KCNH1: variants seen among roughly 807,000 people sequenced by gnomAD.
KCNH1 encodes voltage-gated delayed rectifier potassium channel KCNH1.
A neutral mutation model predicts 69.2 loss-of-function variants in KCNH1; 27 were observed. The observed-to-expected ratio is 0.39, with a 90% CI of 0.29 to 0.54. The LOEUF is 0.54. Ranked by LOEUF, KCNH1 falls within the 20% of genes least tolerant of loss-of-function variation. KCNH1 has a pLI of 0.68. For missense variants in KCNH1, 798 were observed against 1,261.6 expected (o/e 0.63, Z 5.57); for synonymous variants, 456 against 487.7 (o/e 0.93, Z 0.86).
At position 211,065,141 on chromosome 1, in the gene KCNH1, G is replaced by A. The variant is rs376254914; in HGVS notation, c.558+17639C>T. Among the ~76,000 whole-genome samples, 348 of 152,250 alleles carry A rather than the reference G, an allele frequency of 2.3e-3. 1 individual carries two copies. The highest frequency in any genetic ancestry group is 3.4e-3 in the Non-Finnish European group (234 of 68,014). On this transcript the variant is annotated intron_variant, in intron 5 of 10. Coordinates refer to ENST00000271751, the MANE Select transcript of KCNH1 (RefSeq NM_172362.3). Reference sequence around the variant, plus strand: ...CACCAATCTCTCTACAGGGTATATCGTCAAAGGAAATGAAATCAATATGTC... The same window carrying A: ...CACCAATCTCTCTACAGGGTATATCATCAAAGGAAATGAAATCAATATGTC...
At chr1:210,685,720 C>T (rs971833380) in intron 10 of KCNH1, among the ~76,000 whole-genome samples, 9 of 130,192 alleles carry the variant, frequency 6.9e-5, no homozygotes, top group African/African-American at 2.0e-4. Flanking sequence ...TTCACAGCCC[C>T]CAGATGAAGA....
intron 7 of KCNH1, among the ~76,000 whole-genome samples, chr1:210,849,980 C>G (rs1685648556): frequency 6.6e-6 from 1 of 151,402 alleles, no homozygotes. Context: ...CATGTTAAAT[C>G]TACAGAATAA....
intron 10 of KCNH1, among the ~76,000 whole-genome samples, chr1:210,702,651 G>A (rs1238638175): frequency 6.6e-6 from 1 of 152,132 alleles, no homozygotes; most frequent in Non-Finnish European, 1.5e-5. Context: ...TAGAGCTGTG[G>A]AGCTGGAAAT....
intron 6 of KCNH1, among the ~76,000 whole-genome samples, chr1:210,985,028 G>A (rs183237392): frequency 2.6e-5 from 4 of 152,140 alleles, no homozygotes; most frequent in South Asian, 2.1e-4. Context: ...TGTATATGTC[G>A]AGGAATTTAT....
intron 4 of KCNH1, among the ~76,000 whole-genome samples, chr1:211,085,780 C>T (rs1227813361): frequency 2.0e-5 from 3 of 152,122 alleles, no homozygotes; most frequent in Non-Finnish European, 4.4e-5. Context: ...CAACAGTGTC[C>T]CTTATAGCAG....
At chr1:210,775,211 G>A (rs1439885764) in intron 10 of KCNH1, 137 bp downstream of exon 10, 1 of 707,734 alleles carries the variant, frequency 1.4e-6, no homozygotes, top group Non-Finnish European at 2.3e-6. Flanking sequence ...GCCCCGCAGA[G>A]CAAACAACAA....
intron 6 of KCNH1, among the ~76,000 whole-genome samples, chr1:210,930,412 G>C (rs1341603702): frequency 6.6e-6 from 1 of 152,030 alleles, no homozygotes; most frequent in Admixed American, 6.6e-5. Context: ...TTTTGACATA[G>C]CAAACAAAAA....
At chr1:211,000,118 T>G (rs530576990) in intron 6 of KCNH1, among the ~76,000 whole-genome samples, 1 of 152,308 alleles carries the variant, frequency 6.6e-6, no homozygotes, top group Non-Finnish European at 1.5e-5. Flanking sequence ...AGGGATGTCC[T>G]CTCTCACCAC....
At chr1:210,967,561 T>C (rs923308572) in intron 6 of KCNH1, among the ~76,000 whole-genome samples, 20 of 152,242 alleles carry the variant, frequency 1.3e-4, no homozygotes, top group South Asian at 1.0e-3. Context: ...GGTCCTTCCT[T>C]ACCCTAGTGA....
chr1:210,964,618 C>G (rs1288686248), intron 6 of KCNH1, among the ~76,000 whole-genome samples: 1 of 150,828 alleles, frequency 6.6e-6, no homozygotes, highest in East Asian at 1.9e-4. Context: ...TAATAGCCTA[C>G]AAATCAAAAA....
intron 6 of KCNH1, among the ~76,000 whole-genome samples, chr1:210,944,751 T>TA (rs1291332830): frequency 1.3e-5 from 2 of 152,166 alleles, no homozygotes; most frequent in South Asian, 2.1e-4. Flanking sequence ...TTTATTGCAG[T>TA]AAAAAATATA....
chr1:210,704,110 C>T (rs889594623), intron 10 of KCNH1, among the ~76,000 whole-genome samples: 1 of 152,082 alleles, frequency 6.6e-6, no homozygotes, highest in Non-Finnish European at 1.5e-5. Flanking sequence ...AATTCAATCT[C>T]CCTGGGTCAA....
At chr1:211,074,819 C>T (rs973643716) in intron 5 of KCNH1, among the ~76,000 whole-genome samples, 3 of 152,184 alleles carry the variant, frequency 2.0e-5, no homozygotes, top group African/African-American at 4.8e-5. Context: ...AAAGAATTTG[C>T]TTGTGAACTT....
chr1:210,887,611 A>C (rs1392358282), intron 7 of KCNH1, among the ~76,000 whole-genome samples: 1 of 152,062 alleles, frequency 6.6e-6, no homozygotes, highest in Non-Finnish European at 1.5e-5. Context: ...AATTGGATAA[A>C]GAGTCAAGAC....
chr1:210,854,984 G>T (rs1685800765), intron 7 of KCNH1, among the ~76,000 whole-genome samples: 2 of 152,104 alleles, frequency 1.3e-5, no homozygotes, highest in South Asian at 4.1e-4. Flanking sequence ...AAAGTGTCTG[G>T]GGCTCACTTC....
In KCNH1 at chr1:210,715,643, A is replaced by G. The variant is rs533821712; in HGVS notation, c.2113-31505T>C. ...GGTCATAATTTTCCCATCAAGAGCT[A>G]ATTGTTATAAATAATCATGAGTTGC... is the stretch of plus-strand genomic sequence containing the variant. On this transcript the variant is annotated intron_variant, in intron 10 of 10. Coordinates refer to ENST00000271751, the MANE Select transcript of KCNH1 (RefSeq NM_172362.3). 1.8e-4 allele frequency among the ~76,000 whole-genome samples: 28 copies of G among 152,290 alleles called. No individual in the cohort carries two copies. In the South Asian group the frequency reaches 5.6e-3, roughly 30 times the overall value.
intron 10 of KCNH1, among the ~76,000 whole-genome samples, chr1:210,720,709 C>A (rs546396656): frequency 6.6e-6 from 1 of 152,236 alleles, no homozygotes; most frequent in East Asian, 1.9e-4. Context: ...CATCACATTG[C>A]GTCACCTGTT....
intron 6 of KCNH1, among the ~76,000 whole-genome samples, chr1:210,943,508 C>T (rs542113257): frequency 6.6e-6 from 1 of 152,130 alleles, no homozygotes; most frequent in African/African-American, 2.4e-5. Context: ...ACCGCCACGC[C>T]CGGCTAATTT....
At chr1:211,124,601 G>A (rs1315087437) in intron 1 of KCNH1, among the ~76,000 whole-genome samples, 2 of 152,144 alleles carry the variant, frequency 1.3e-5, no homozygotes, top group Non-Finnish European at 2.9e-5. Context: ...TGGCGACAGA[G>A]CAAGACTCGG....
Sources: gnomAD v4.1 joint callset for allele counts (sites outside exome capture counted in the v4.1 genomes callset) on GRCh38, gnomAD v4.1.1 for gene constraint, MANE v1.5 for transcripts, NCBI Gene and HGNC (gene_info 2026-07-23, HGNC 2026-07-21) for gene names.